Variants in CRTAC1 observed in about 807,000 individuals in gnomAD.
CRTAC1 encodes the protein cartilage acidic protein 1.
CRTAC1 carries 37 observed loss-of-function variants against 67.8 expected under a neutral mutation model. The observed-to-expected ratio is 0.55, with a 90% CI of 0.42 to 0.72. The LOEUF is 0.72. Among genes scored for constraint, CRTAC1 ranks in the 30% least tolerant of loss-of-function variants. The pLI, the probability that CRTAC1 is intolerant of heterozygous loss-of-function variation, is 0.00. For missense variants in CRTAC1, 780 were observed against 931.6 expected (o/e 0.84, Z 2.12); for synonymous variants, 348 against 371.0 (o/e 0.94, Z 0.71).
chr10:97,908,857 G>A (rs1389268078), intron 5 of CRTAC1, among the ~76,000 whole-genome samples: 3 of 152,174 alleles, frequency 2.0e-5, no homozygotes, highest in African/African-American at 7.2e-5. Context: ...GAAAATACAT[G>A]CTAGTTCTGA....
intron 13 of CRTAC1, among the ~76,000 whole-genome samples, 172 bp from the exon 14 acceptor site, chr10:97,880,564 T>TG (rs1158857648): frequency 2.6e-5 from 4 of 152,082 alleles, no homozygotes; most frequent in African/African-American, 9.7e-5. Context: ...CTCTACATGC[T>TG]GGGGGCAGGG....
intron 14 of CRTAC1, chr10:97,879,933 A>G (rs1332338426): frequency 1.3e-5 from 11 of 838,760 alleles, no homozygotes; most frequent in Admixed American, 5.6e-5. Flanking sequence ...GATGAGTAGT[A>G]GGAGTTAGTT....
At chr10:97,923,671 C>T (rs1326877639) in intron 3 of CRTAC1, among the ~76,000 whole-genome samples, 1 of 152,108 alleles carries the variant, frequency 6.6e-6, no homozygotes, top group African/African-American at 2.4e-5. Flanking sequence ...TGCAGTGTGC[C>T]CAAGATGACC....
intron 2 of CRTAC1, among the ~76,000 whole-genome samples, chr10:97,950,074 C>T (rs879386387): frequency 1.2e-4 from 18 of 152,166 alleles, no homozygotes; most frequent in Admixed American, 4.6e-4. Context: ...TTTTATTCTT[C>T]TAGCCCTTAA....
chr10:98,015,516 T>C (rs1309178852), intron 1 of CRTAC1, among the ~76,000 whole-genome samples: 1 of 152,244 alleles, frequency 6.6e-6, no homozygotes, highest in Non-Finnish European at 1.5e-5. Flanking sequence ...ATGTTCTGTG[T>C]ATTTCATCAC....
intron 2 of CRTAC1, among the ~76,000 whole-genome samples, chr10:98,002,787 TTTTTTTTTTTTG>T (rs1842717313): frequency 7.5e-5 from 9 of 119,730 alleles, no homozygotes; most frequent in African/African-American, 2.4e-4. Flanking sequence ...TTTTTTTTTT[TTTTTTTTTTTTG>T]AGAGAGTCTG....
At chr10:97,906,211 G>C (rs981581502) in intron 6 of CRTAC1, among the ~76,000 whole-genome samples, 2 of 152,136 alleles carry the variant, frequency 1.3e-5, no homozygotes, top group Non-Finnish European at 2.9e-5. Flanking sequence ...TTGAGAAAGA[G>C]GGTTCGCAGA....
chr10:97,911,973 G>A lies in CRTAC1; in HGVS notation c.716-3826C>T, dbSNP rs114176813. Among the ~76,000 whole-genome samples the A allele has an allele frequency of 3.7e-3, 565 of 152,282 alleles. 5 individuals carry two copies. The highest frequency in any genetic ancestry group is 0.013 in the African/African-American group (545 of 41,546). On this transcript the variant is annotated intron_variant, in intron 5 of 14. Transcript: ENST00000370597. ...TAATTTGAGGCCAGCGCATTCTCTCGGAGCTGGAGAGGCAGTGCTGGTTGT... is the reference window on the plus strand; with the variant it reads ...TAATTTGAGGCCAGCGCATTCTCTCAGAGCTGGAGAGGCAGTGCTGGTTGT...
chr10:97,963,626 T>C lies in CRTAC1; in HGVS notation c.225-27260A>G, dbSNP rs35440541. 1.9e-4 allele frequency among the ~76,000 whole-genome samples: 29 copies of C among 152,332 alleles called. No homozygotes were observed. The East Asian group carries it at 5.4e-3, about 28-fold the overall frequency. ...ATGACCTCTGCTTTTAAAACTCTGA[T>C]GGTTACTCACAGCCTATAAAAAAAT... On this transcript the variant is annotated intron_variant, in intron 2 of 14. Coordinates refer to ENST00000370597, the MANE Select transcript of CRTAC1 (RefSeq NM_018058.7).
At chr10:97,876,618 T>A (rs2050150665) in intron 14 of CRTAC1, among the ~76,000 whole-genome samples, 2 of 152,150 alleles carry the variant, frequency 1.3e-5, no homozygotes, top group Non-Finnish European at 1.5e-5. Context: ...ATTTCATTAC[T>A]TGACTGCCCC....
chr10:97,976,448 A>G (rs1053361921), intron 2 of CRTAC1, among the ~76,000 whole-genome samples: 5 of 152,222 alleles, frequency 3.3e-5, no homozygotes, highest in African/African-American at 1.2e-4. Flanking sequence ...AATCACATGC[A>G]TCAAACCTCA....
At chr10:97,938,799 G>A (rs1178829316) in intron 2 of CRTAC1, among the ~76,000 whole-genome samples, 1 of 152,174 alleles carries the variant, frequency 6.6e-6, no homozygotes, top group African/African-American at 2.4e-5. Flanking sequence ...TTCTCTCTAG[G>A]CTCTGCATTT....
At chr10:97,951,414 A>C (rs1158146673) in intron 2 of CRTAC1, among the ~76,000 whole-genome samples, 3 of 152,226 alleles carry the variant, frequency 2.0e-5, no homozygotes, top group Non-Finnish European at 4.4e-5. Context: ...CTTGCTTAAA[A>C]AATTTATGTA....
chr10:97,988,957 T>C (rs772684177), intron 2 of CRTAC1, among the ~76,000 whole-genome samples: 99 of 152,324 alleles, frequency 6.5e-4, no homozygotes, highest in Non-Finnish European at 1.1e-3. Context: ...GTAAAGTAGA[T>C]TGCCCTCTGC....
At chr10:97,904,074 T>C (rs2050576809) in intron 7 of CRTAC1, among the ~76,000 whole-genome samples, 1 of 151,266 alleles carries the variant, frequency 6.6e-6, no homozygotes, top group Non-Finnish European at 1.5e-5. Flanking sequence ...CACTCTCTGC[T>C]CTAGCTGCTG....
chr10:97,881,215 G>T (rs1342151340), intron 13 of CRTAC1, among the ~76,000 whole-genome samples: 2 of 152,068 alleles, frequency 1.3e-5, no homozygotes, highest in Non-Finnish European at 2.9e-5. Flanking sequence ...TCCCTACAGG[G>T]GCCTCATGGA....
intron 2 of CRTAC1, among the ~76,000 whole-genome samples, chr10:97,955,691 G>A (rs949880164): frequency 3.3e-5 from 5 of 152,138 alleles, no homozygotes; most frequent in Admixed American, 1.3e-4. Flanking sequence ...TATTTCTCTC[G>A]CTAGACCTTC....
intron 11 of CRTAC1, among the ~76,000 whole-genome samples, chr10:97,885,354 A>G (rs967087981): frequency 1.3e-5 from 2 of 152,176 alleles, no homozygotes; most frequent in Non-Finnish European, 2.9e-5. Context: ...AAAAACAAAC[A>G]AAAAACAACT....
chr10:98,002,014 C>CGT (rs1489673952), intron 2 of CRTAC1, among the ~76,000 whole-genome samples: 1 of 152,214 alleles, frequency 6.6e-6, no homozygotes, highest in Non-Finnish European at 1.5e-5. Flanking sequence ...GAGGAAGGCC[C>CGT]GTGGTGCAAG....
Sources: gnomAD v4.1 joint callset for allele counts (sites outside exome capture counted in the v4.1 genomes callset) on GRCh38, gnomAD v4.1.1 for gene constraint, MANE v1.5 for transcripts, NCBI Gene and HGNC (gene_info 2026-07-23, HGNC 2026-07-21) for gene names.